Variants in PIBF1 observed in about 807,000 individuals in gnomAD.
PIBF1 encodes the protein progesterone immunomodulatory binding factor 1.
In PIBF1, 90 loss-of-function variants were observed where a neutral mutation model predicts 112.5. The observed-to-expected ratio is 0.80, with a 90% CI of 0.67 to 0.95. PIBF1 has a LOEUF of 0.95. PIBF1 is among the 40% of genes least tolerant of loss of function. PIBF1 has a pLI of 0.00. For synonymous variants in PIBF1, 301 were observed against 288.6 expected (o/e 1.04, Z -0.44); for missense variants, 915 against 852.3 (o/e 1.07, Z -0.92).
intron 10 of PIBF1, among the ~76,000 whole-genome samples, chr13:72,870,157 A>T (rs1281922214): frequency 6.6e-6 from 1 of 152,174 alleles, no homozygotes; most frequent in Non-Finnish European, 1.5e-5. Flanking sequence ...GAAATTAATT[A>T]CCATGACTGC....
Position 72,863,232 on chromosome 13 carries a change from T to C in PIBF1, c.1322+9077T>C, listed in dbSNP as rs138074246. ...CAAAGAAGTAAAAAAACAGAGACCA[T>C]AAATTAAGATGGAAGAAGGCTACAC... On this transcript the variant is annotated intron_variant, in intron 10 of 17. Transcript: ENST00000326291. Among the ~76,000 whole-genome samples the C allele has an allele frequency of 2.1e-3, 315 of 151,946 alleles. 2 individuals carry two copies. Among genetic ancestry groups the C allele is most frequent in the Middle Eastern group, 6.8e-3 (2 of 294 alleles).
Position 72,908,616 on chromosome 13 carries a change from C to G in PIBF1, c.1574C>G (p.Ala525Gly). The G allele has an allele frequency of 1.2e-6, 2 of 1,612,862 alleles. No homozygotes were observed. Among genetic ancestry groups the G allele is most frequent in the Non-Finnish European group, 1.7e-6 (2 of 1,179,056 alleles). ...CAAGCACAGAACTCAGAGCATCAAGCAAGGCTAGACATTTATGAGAAACTG... is the reference window on the plus strand; with the variant it reads ...CAAGCACAGAACTCAGAGCATCAAGGAAGGCTAGACATTTATGAGAAACTG... ...ELQAQNSEHQ[A>G]RLDIYEKLEK... The change falls in exon 12 of 18, where the codon GCA (alanine) becomes GGA (glycine). Residue 525 changes from alanine (A) to glycine (G), a missense_variant. By Grantham distance (60) the Ala-to-Gly change is moderately conservative. Transcript: ENST00000326291.
At chr13:72,880,475 G>T (rs529873669) in intron 10 of PIBF1, among the ~76,000 whole-genome samples, 38 of 152,234 alleles carry the variant, frequency 2.5e-4, no homozygotes, top group Non-Finnish European at 4.3e-4. Flanking sequence ...TACCAATACA[G>T]TTTTAAGCAT....
At position 72,795,575 on chromosome 13, in the gene PIBF1, A is replaced by G. The variant is rs1269976270; in HGVS notation, c.552+18A>G. ...ATGTATCTGTAAGTATCTTATATCTATTTTTAACTATGACATATATTTTCA... is the reference window on the plus strand; with the variant it reads ...ATGTATCTGTAAGTATCTTATATCTGTTTTTAACTATGACATATATTTTCA... On this transcript the variant is annotated intron_variant, in intron 4 of 17. Transcript: ENST00000326291. The G allele has an allele frequency of 7.3e-6, 10 of 1,378,608 alleles. No individual in the cohort carries two copies. The highest frequency in any genetic ancestry group is 4.6e-5 in the East Asian group (2 of 43,316). The allele number at this position is 1,378,608 out of a possible 1,614,324, so 85.4% of individuals were successfully genotyped here.
chr13:72,786,770 G>GT (rs1399298742), intron 2 of PIBF1, among the ~76,000 whole-genome samples: 2 of 152,104 alleles, frequency 1.3e-5, no homozygotes, highest in Non-Finnish European at 2.9e-5. Context: ...TATTAGTAGA[G>GT]TTTTTTTCTC....
intron 10 of PIBF1, among the ~76,000 whole-genome samples, chr13:72,858,972 G>T (rs144579252): frequency 6.6e-6 from 1 of 152,056 alleles, no homozygotes; most frequent in African/African-American, 2.4e-5. Context: ...CTAATAATTT[G>T]ATGCAATCTT....
At position 72,952,033 on chromosome 13, in the gene PIBF1, CTCTTTTT is replaced by C. The variant is rs2042312095; in HGVS notation, c.1834-13239_1834-13233del. ...TTAATTTCTTTCTTTCTTTTCTTTT[CTCTTTTT>C]TTTTTTTTTTTTGAGATGGAGTCTT... is the stretch of plus-strand genomic sequence containing the variant. On this transcript the variant is annotated intron_variant, in intron 14 of 17. Transcript: ENST00000326291. Among the ~76,000 whole-genome samples, 3 of 103,680 alleles carry C rather than the reference CTCTTTTT, an allele frequency of 2.9e-5. No individual in the cohort carries two copies. In the South Asian group the frequency reaches 1.1e-3, roughly 38 times the overall value. The allele number at this position is 103,680 out of a possible 152,430, so 68.0% of individuals were successfully genotyped here.
chr13:72,804,057 T>C (rs2035609482), intron 5 of PIBF1, among the ~76,000 whole-genome samples: 1 of 152,204 alleles, frequency 6.6e-6, no homozygotes, highest in African/African-American at 2.4e-5. Context: ...ATATACTTAT[T>C]GTTGGCCTGA....
intron 5 of PIBF1, 106 bp downstream of exon 5, chr13:72,798,132 C>A: frequency 2.5e-6 from 3 of 1,176,978 alleles, no homozygotes; most frequent in Non-Finnish European, 3.5e-6. Context: ...AAAAATGGGA[C>A]TATGGGATGG....
chr13:72,828,049 T>TTTTATTTTA, intron 8 of PIBF1, 135 bp downstream of exon 8: 1 of 351,952 alleles, frequency 2.8e-6, no homozygotes, highest in Non-Finnish European at 4.9e-6. Context: ...TAATACCTTA[T>TTTTATTTTA]TTTATTTTAT....
chr13:72,909,544 G>A (rs1413082689), intron 12 of PIBF1, among the ~76,000 whole-genome samples: 3 of 151,364 alleles, frequency 2.0e-5, no homozygotes, highest in East Asian at 1.9e-4. Flanking sequence ...GCCCAGGCTG[G>A]ATTGCAACGG....
At chr13:72,878,556 C>A (rs867846166) in intron 10 of PIBF1, among the ~76,000 whole-genome samples, 2 of 152,088 alleles carry the variant, frequency 1.3e-5, no homozygotes, top group South Asian at 2.1e-4. Context: ...GCCTGGGATG[C>A]AGTCTGTCTT....
At chr13:72,850,828 G>A (rs1369626654) in intron 9 of PIBF1, among the ~76,000 whole-genome samples, 1 of 152,000 alleles carries the variant, frequency 6.6e-6, no homozygotes, top group African/African-American at 2.4e-5. Context: ...ATTTTTGAAG[G>A]TTGTTGCAAT....
At chr13:72,813,399 C>T (rs760750927) in intron 5 of PIBF1, among the ~76,000 whole-genome samples, 1 of 152,110 alleles carries the variant, frequency 6.6e-6, no homozygotes, top group Non-Finnish European at 1.5e-5. Flanking sequence ...GTTCCAGTTA[C>T]GTATTGCTGC....
intron 17 of PIBF1, among the ~76,000 whole-genome samples, chr13:73,013,604 G>T (rs996576236): frequency 6.6e-6 from 1 of 151,588 alleles, no homozygotes; most frequent in Non-Finnish European, 1.5e-5. Context: ...GAGAGTGATG[G>T]CATGCACCCA....
chr13:72,927,605 T>A (rs1264543345), intron 13 of PIBF1, among the ~76,000 whole-genome samples: 1 of 152,168 alleles, frequency 6.6e-6, no homozygotes, highest in Non-Finnish European at 1.5e-5. Context: ...CAGGCTGGTC[T>A]CAAACTCCTG....
rs2043766652 is a variant in PIBF1, at chr13:72,998,871, C to T, written c.2099C>T (p.Ser700Phe). 2 of 1,611,788 alleles carry T rather than the reference C, an allele frequency of 1.2e-6. No homozygotes were observed. The highest frequency in any genetic ancestry group is 1.7e-6 in the Non-Finnish European group (2 of 1,178,396). ...CTCGTTAAGATGCATAGTAAACATTCTGAGAACAGCTTACTTCTCACTAAA... is the reference window on the plus strand; with the variant it reads ...CTCGTTAAGATGCATAGTAAACATTTTGAGAACAGCTTACTTCTCACTAAA... ...QILVKMHSKH[S>F]ENSLLLTKTE... Residue 700 changes from serine (S) to phenylalanine (F), a missense_variant, in exon 17 of 18, where the codon TCT (serine) becomes TTT (phenylalanine). Coordinates refer to ENST00000326291, the MANE Select transcript of PIBF1 (RefSeq NM_006346.4).
intron 5 of PIBF1, among the ~76,000 whole-genome samples, chr13:72,809,932 A>G (rs1312584031): frequency 6.6e-6 from 1 of 152,112 alleles, no homozygotes; most frequent in Non-Finnish European, 1.5e-5. Context: ...CTCTTTCTGA[A>G]GTGGCAGTTT....
rs1349483695 is a variant in PIBF1, at chr13:72,854,084, T to C, written c.1251T>C (p.Ala417=). 3 of 1,613,088 alleles carry C rather than the reference T, an allele frequency of 1.9e-6. No homozygotes were observed. Among genetic ancestry groups the C allele is most frequent in the South Asian group, 2.2e-5 (2 of 91,024 alleles). Residue 417 remains alanine (A), a synonymous_variant, in exon 10 of 18, where the codon GCT becomes GCC. Coordinates refer to ENST00000326291, the MANE Select transcript of PIBF1 (RefSeq NM_006346.4). ...ATCTCCGAGAAGCAAGGGATAATGC[T>C]GTGGCTGAAAAGGAACGAGCAGTGA... ...NRNLREARDN[A]VAEKERAVMA...
Sources: allele counts gnomAD v4.1 joint callset (sites outside exome capture counted in the v4.1 genomes callset), GRCh38; gene constraint gnomAD v4.1.1; transcripts MANE v1.5; gene names NCBI Gene and HGNC (gene_info 2026-07-23, HGNC 2026-07-21).